Variants in GPR143 observed in about 807,000 individuals in gnomAD.
GPR143 encodes G-protein coupled receptor 143.
Under a neutral mutation model 27.6 loss-of-function variants are expected in GPR143, and 8 were observed. The ratio of observed to expected loss-of-function variants is 0.29; its 90% CI spans 0.17 to 0.52. The LOEUF (loss-of-function observed/expected upper bound fraction) is 0.52, where lower values mean the gene tolerates loss of function less well. Ranked by LOEUF, GPR143 falls within the 20% of genes least tolerant of loss-of-function variation. GPR143 has a pLI of 0.96. For synonymous variants in GPR143, 156 were observed against 153.2 expected, an observed-to-expected ratio of 1.02 and a Z score of -0.13; for missense variants, 303 against 343.1, an observed-to-expected ratio of 0.88 and a Z score of 0.92.
intron 3 of GPR143, among the ~76,000 whole-genome samples, chrX:9,753,284 G>A (rs2083459409): frequency 9.2e-6 from 1 of 108,429 alleles, no homozygotes; most frequent in African/African-American, 3.4e-5. Flanking sequence ...CTGGAACCTG[G>A]GAGGTGGAGG....
chrX:9,753,679 C>T (rs1485005755), intron 3 of GPR143, among the ~76,000 whole-genome samples: 6 of 111,397 alleles, frequency 5.4e-5, no homozygotes, highest in Middle Eastern at 4.7e-3. Context: ...TCACAGCCCC[C>T]CAGCGAGAGA....
intron 1 of GPR143, among the ~76,000 whole-genome samples, chrX:9,774,652 T>C (rs2083565392): frequency 9.0e-6 from 1 of 111,484 alleles, no homozygotes; most frequent in African/African-American, 3.3e-5. Flanking sequence ...GGTCTCTAGG[T>C]AGCATCTGCT....
intron 5 of GPR143, 132 bp downstream of exon 5, chrX:9,745,912 G>A (rs2083426348): frequency 1.9e-6 from 1 of 536,905 alleles, no homozygotes; most frequent in South Asian, 2.4e-5. Context: ...GTGTTCTGCT[G>A]ATGTCTCTGG....
chrX:9,749,239 C>T (rs1283856813), intron 3 of GPR143, among the ~76,000 whole-genome samples: 14 of 105,946 alleles, frequency 1.3e-4, no homozygotes, highest in Non-Finnish European at 1.8e-4. Context: ...CCCCCCAACC[C>T]CCTCCGGCCC....
intron 5 of GPR143, 113 bp from the exon 6 acceptor site, chrX:9,743,786 G>A (rs2083415767): frequency 1.8e-6 from 1 of 545,171 alleles, no homozygotes; most frequent in Non-Finnish European, 3.3e-6. Flanking sequence ...GGGGCAGGAA[G>A]CAAAGCAAGT....
At chrX:9,766,363 CCTCT>C (rs1389619695), upstream of GPR143, among the ~76,000 whole-genome samples, 1 of 111,633 alleles carries the variant, frequency 9.0e-6, no homozygotes, top group African/African-American at 3.3e-5. Flanking sequence ...TTTTTTATGG[CCTCT>C]CTCATTCATG....
In GPR143 at chrX:9,725,779, A is replaced by G. The variant is rs766142830; in HGVS notation, c.1182T>C (p.Gly394=). Reference sequence around the variant, plus strand: ...CTCCATGGGTTGGGAGAGCAGGGTCACCCTCATTTTTGTTGCAGGATTCAC... The same window carrying G: ...CTCCATGGGTTGGGAGAGCAGGGTCGCCCTCATTTTTGTTGCAGGATTCAC... ...TASESCNKNE[G]DPALPTHGDL is the part of the protein sequence containing the mutation. The change falls in exon 9 of 9, where the codon GGT becomes GGC. Residue 394 remains glycine, a synonymous_variant. Transcript: ENST00000467482. The G allele has an allele frequency of 2.4e-4, 294 of 1,207,065 alleles. No homozygotes were observed. The highest frequency in any genetic ancestry group is 3.2e-4 in the Non-Finnish European group (284 of 893,459).
intron 3 of GPR143, among the ~76,000 whole-genome samples, chrX:9,758,033 G>A (rs2083480418): frequency 9.0e-6 from 1 of 110,963 alleles, no homozygotes; most frequent in South Asian, 3.8e-4. Flanking sequence ...CAAAGTTCTG[G>A]GATTACAGGT....
intron 8 of GPR143, among the ~76,000 whole-genome samples, chrX:9,736,093 C>T (rs2083378303): frequency 9.0e-6 from 1 of 110,692 alleles, no homozygotes; most frequent in Non-Finnish European, 1.9e-5. Flanking sequence ...CGGAATGACA[C>T]CTGCGTTTCC....
At chrX:9,742,845 G>A (rs949494112) in intron 6 of GPR143, among the ~76,000 whole-genome samples, 1 of 111,386 alleles carries the variant, frequency 9.0e-6, no homozygotes, top group Non-Finnish European at 1.9e-5. Flanking sequence ...GGTGGCTCAC[G>A]CCTGTAATCC....
At chrX:9,770,239 A>C (rs2083549018), upstream of GPR143, among the ~76,000 whole-genome samples, 2 of 96,137 alleles carry the variant, frequency 2.1e-5, no homozygotes, top group Admixed American at 2.4e-4. Context: ...TGGGAGGCTG[A>C]GGCGGGCAGA....
At chrX:9,765,501 C>A (rs1434226954) in intron 1 of GPR143, 67 bp downstream of exon 1, 1 of 1,015,195 alleles carries the variant, frequency 9.9e-7, no homozygotes, top group Non-Finnish European at 1.3e-6. Context: ...GGGTCTCAAC[C>A]TGCGGGCCAC....
intron 8 of GPR143, among the ~76,000 whole-genome samples, chrX:9,737,397 T>C (rs879070320): frequency 8.9e-6 from 1 of 112,321 alleles, no homozygotes; most frequent in East Asian, 2.8e-4. Context: ...AAGAATGAAG[T>C]TCTGACACCT....
intron 1 of GPR143, among the ~76,000 whole-genome samples, chrX:9,763,920 G>A (rs188088837): frequency 3.6e-5 from 4 of 112,481 alleles, no homozygotes; most frequent in Non-Finnish European, 7.5e-5. Flanking sequence ...ACATAGCTGC[G>A]TTCCCATCAA....
intron 4 of GPR143, among the ~76,000 whole-genome samples, chrX:9,747,247 AAG>A (rs1326056680): frequency 4.5e-5 from 5 of 110,789 alleles, no homozygotes; most frequent in Admixed American, 9.7e-5. Context: ...AATGACAAAT[AAG>A]AGAGTGAGAC....
At chrX:9,726,017 TGG>T in intron 8 of GPR143, 177 bp from the exon 9 acceptor site, 1 of 602,859 alleles carries the variant, frequency 1.7e-6, no homozygotes, top group Non-Finnish European at 1.9e-6. Context: ...GTGGGAGGGG[TGG>T]AAATCTACAT....
rs1055796261 is a variant in GPR143 at position 9,765,577 on chromosome X, C to T, written c.241G>A (p.Gly81Ser). The change falls in exon 1 of 9, where the codon GGC becomes AGC. Residue 81 changes from glycine (G) to serine (S), a missense_variant. By Grantham distance (56) the Gly-to-Ser change is moderately conservative (BLOSUM62 0). Coordinates refer to ENST00000467482, the MANE Select transcript of GPR143 (RefSeq NM_000273.3). ...CCGCGCGCGCCCTTACCCAGGCAGCCGAGAAGGTCGCAGGCAGCGGCAGCG... is the reference window on the plus strand; with the variant it reads ...CCGCGCGCGCCCTTACCCAGGCAGCTGAGAAGGTCGCAGGCAGCGGCAGCG... ...LRAAAACDLL[G>S]CLGMVIRSTV... The T allele has an allele frequency of 2.2e-5, 24 of 1,070,684 alleles. No individual in the cohort carries two copies. The highest frequency in any genetic ancestry group is 2.8e-5 in the Non-Finnish European group (23 of 827,712). The allele number at this position is 1,070,684 out of a possible 1,213,427, so 88.2% of individuals were successfully genotyped here. A position where few individuals can be genotyped will look rare whatever the true frequency, so the allele number is the denominator to read the frequency against.
intron 8 of GPR143, among the ~76,000 whole-genome samples, chrX:9,737,930 G>A (rs748577547): frequency 1.2e-3 from 133 of 111,549 alleles, no homozygotes; most frequent in African/African-American, 3.8e-3. Flanking sequence ...AGCCCAGAAG[G>A]TGGAGGCTGC....
chrX:9,760,676 A>G, intron 2 of GPR143, 41 bp downstream of exon 2: 1 of 713,134 alleles, frequency 1.4e-6, no homozygotes. Context: ...TTTGAGGAGC[A>G]TAAGTAGGGA....
Sources: allele counts gnomAD v4.1 joint callset (sites outside exome capture counted in the v4.1 genomes callset), GRCh38; gene constraint gnomAD v4.1.1; transcripts MANE v1.5; gene names NCBI Gene and HGNC (gene_info 2026-07-23, HGNC 2026-07-21).